Variants in CDH18 observed in about 807,000 individuals in gnomAD.
The protein encoded by CDH18 is cadherin 18.
A neutral mutation model predicts 67.9 loss-of-function variants in CDH18; 31 were observed. The ratio of observed to expected loss-of-function variants is 0.46; its 90% CI spans 0.34 to 0.62. The LOEUF is 0.62. CDH18 is among the 20% of genes least tolerant of loss of function. The probability of loss-of-function intolerance (pLI) is 0.01; values close to 1 mark genes in which losing one functional copy is unlikely to be tolerated. For missense variants in CDH18, 890 were observed against 975.5 expected (o/e 0.91, Z 1.17); for synonymous variants, 362 against 347.2 (o/e 1.04, Z -0.48).
At chr5:19,742,812 A>C (rs1191277663) in intron 4 of CDH18, among the ~76,000 whole-genome samples, 3 of 152,020 alleles carry the variant, frequency 2.0e-5, no homozygotes, top group Non-Finnish European at 4.4e-5. Flanking sequence ...ATGATTCAAA[A>C]CTGAATTAAT....
intron 2 of CDH18, among the ~76,000 whole-genome samples, chr5:20,129,569 C>G (rs1749096015): frequency 6.6e-6 from 1 of 151,924 alleles, no homozygotes; most frequent in Admixed American, 6.6e-5. Flanking sequence ...TGACATGTAC[C>G]TCTTATGATC....
At chr5:20,134,408 CTACT>C (rs1273895705) in intron 2 of CDH18, among the ~76,000 whole-genome samples, 1 of 152,162 alleles carries the variant, frequency 6.6e-6, no homozygotes, top group Non-Finnish European at 1.5e-5. Flanking sequence ...TGTGTCTAGT[CTACT>C]TATTAAGCAG....
intron 1 of CDH18, among the ~76,000 whole-genome samples, chr5:20,481,835 C>T (rs1752830255): frequency 6.6e-6 from 1 of 151,876 alleles, no homozygotes; most frequent in Non-Finnish European, 1.5e-5. Flanking sequence ...ACAATAAGCA[C>T]CTATGTCAAA....
At chr5:19,994,752 G>T (rs71578722) in intron 2 of CDH18, among the ~76,000 whole-genome samples, 835 of 29,920 alleles carry the variant, frequency 0.028, 13 homozygotes, top group Non-Finnish European at 0.035. Flanking sequence ...GAGAGAGAGA[G>T]AGAGAGAGAG....
At chr5:19,722,748 T>A (rs1766272617) in intron 4 of CDH18, among the ~76,000 whole-genome samples, 1 of 152,024 alleles carries the variant, frequency 6.6e-6, no homozygotes, top group South Asian at 2.1e-4. Context: ...TTATTCCACA[T>A]CACTAGAAAA....
intron 2 of CDH18, among the ~76,000 whole-genome samples, chr5:20,060,204 C>G (rs562919463): frequency 6.6e-6 from 1 of 152,074 alleles, no homozygotes. Flanking sequence ...GTGACTCATG[C>G]CTGTAATCCC....
chr5:19,648,511 TTA>T (rs1755114591), intron 5 of CDH18, among the ~76,000 whole-genome samples: 2 of 152,138 alleles, frequency 1.3e-5, no homozygotes, highest in African/African-American at 4.8e-5. Flanking sequence ...TGATCAATTT[TTA>T]TGTTTTGTTT....
chr5:19,821,288 C>G (rs968752677), intron 3 of CDH18, among the ~76,000 whole-genome samples: 3 of 151,722 alleles, frequency 2.0e-5, no homozygotes, highest in African/African-American at 7.3e-5. Context: ...AAAGGTACTA[C>G]AGGGAATTTC....
chr5:19,958,809 G>A (rs57496680), intron 2 of CDH18, among the ~76,000 whole-genome samples: 158 of 152,114 alleles, frequency 1.0e-3, no homozygotes, highest in Non-Finnish European at 1.7e-3. Context: ...GTGTTGCATC[G>A]CATTTTATGG....
At chr5:19,801,099 G>A (rs546419136) in intron 3 of CDH18, among the ~76,000 whole-genome samples, 31 of 152,182 alleles carry the variant, frequency 2.0e-4, no homozygotes, top group Non-Finnish European at 3.5e-4. Flanking sequence ...GCAACAAAAT[G>A]ACACTCCGTC....
rs375338664 is a variant in CDH18, at chr5:19,501,732, A to G, written c.1630+1260T>C. On this transcript the variant is annotated intron_variant, in intron 11 of 12. Coordinates refer to ENST00000382275, the MANE Select transcript of CDH18 (RefSeq NM_004934.5). ...AAAAATGCAACTGAAACATAAGTACATGGATCAACATATGATTCCAATCTC... is the reference window on the plus strand; with the variant it reads ...AAAAATGCAACTGAAACATAAGTACGTGGATCAACATATGATTCCAATCTC... Among the ~76,000 whole-genome samples, 16 of 152,302 alleles carry G rather than the reference A, an allele frequency of 1.1e-4. No homozygotes were observed. The East Asian group carries it at 1.9e-3, about 18-fold the overall frequency.
chr5:19,853,468 C>T (rs1315635027), intron 2 of CDH18, among the ~76,000 whole-genome samples: 7 of 152,076 alleles, frequency 4.6e-5, no homozygotes, highest in African/African-American at 1.2e-4. Context: ...CATAATGAGA[C>T]GTATTCTTAC....
intron 2 of CDH18, among the ~76,000 whole-genome samples, chr5:20,208,001 A>G (rs1210884329): frequency 1.3e-5 from 2 of 152,112 alleles, no homozygotes; most frequent in Non-Finnish European, 2.9e-5. Flanking sequence ...GAAAAATTAA[A>G]TATAAATCTA....
chr5:19,776,306 C>T (rs188397667), intron 3 of CDH18, among the ~76,000 whole-genome samples: 10 of 152,222 alleles, frequency 6.6e-5, no homozygotes, highest in African/African-American at 9.6e-5. Flanking sequence ...TGGGCAGTCA[C>T]TACAACATTA....
intron 5 of CDH18, among the ~76,000 whole-genome samples, chr5:19,667,251 T>C (rs1758085490): frequency 6.6e-6 from 1 of 151,694 alleles, no homozygotes; most frequent in Non-Finnish European, 1.5e-5. Flanking sequence ...TGATATTTTA[T>C]CTGTAAAAAA....
chr5:19,962,395 A>AAAAAAAAAAAAAAAAAAAAAT (rs58319680), intron 2 of CDH18, among the ~76,000 whole-genome samples: 5 of 117,056 alleles, frequency 4.3e-5, no homozygotes, highest in Admixed American at 9.8e-5. Flanking sequence ...AAAAAAAAAA[A>AAAAAAAAAAAAAAAAAAAAAT]AGAAAATTCA....
chr5:20,560,563 G>C (rs554447004), intron 1 of CDH18, among the ~76,000 whole-genome samples: 1 of 151,264 alleles, frequency 6.6e-6, no homozygotes, highest in African/African-American at 2.4e-5. Flanking sequence ...AGAGCAGAGA[G>C]ATTCAGAGTG....
At chr5:20,572,165 C>T (rs1442629025) in intron 1 of CDH18, among the ~76,000 whole-genome samples, 2 of 151,624 alleles carry the variant, frequency 1.3e-5, no homozygotes, top group African/African-American at 2.4e-5. Flanking sequence ...TTTTCTATGC[C>T]TGTGTGGATA....
At chr5:19,921,288 T>A (rs547268305) in intron 2 of CDH18, among the ~76,000 whole-genome samples, 17 of 152,088 alleles carry the variant, frequency 1.1e-4, no homozygotes, top group Non-Finnish European at 2.2e-4. Flanking sequence ...TCCCAGCACT[T>A]TGGGAGGCCA....
Sources: allele counts gnomAD v4.1 joint callset (sites outside exome capture counted in the v4.1 genomes callset), GRCh38; gene constraint gnomAD v4.1.1; transcripts MANE v1.5; gene names NCBI Gene and HGNC (gene_info 2026-07-23, HGNC 2026-07-21).